Variants in SYT9 observed in about 807,000 individuals in gnomAD.
SYT9 encodes synaptotagmin-9.
In SYT9, 22 loss-of-function variants were observed where a neutral mutation model predicts 48.4. That is an observed-to-expected ratio of 0.45 (90% CI 0.32 to 0.65). The LOEUF (loss-of-function observed/expected upper bound fraction) is 0.65. SYT9 is among the 30% of genes least tolerant of loss of function. The probability of loss-of-function intolerance (pLI) is 0.03; values close to 1 mark genes in which losing one functional copy is unlikely to be tolerated. For synonymous variants in SYT9, 265 were observed against 245.0 expected (o/e 1.08, Z -0.76); for missense variants, 577 against 622.0 (o/e 0.93, Z 0.77).
At chr11:7,255,275 A>C (rs140236473) in intron 1 of SYT9, among the ~76,000 whole-genome samples, 2 of 152,328 alleles carry the variant, frequency 1.3e-5, no homozygotes, top group African/African-American at 4.8e-5. Context: ...TGATTCTAGA[A>C]ATGGTGACTT....
At chr11:7,354,847 T>C (rs1014235635) in intron 3 of SYT9, among the ~76,000 whole-genome samples, 1 of 152,124 alleles carries the variant, frequency 6.6e-6, no homozygotes, top group African/African-American at 2.4e-5. Context: ...ACAGTGATAT[T>C]GCCTTTCACA....
Position 7,251,972 on chromosome 11 carries a change from G to A in SYT9, c.-215G>A. On this transcript the variant is annotated 5_prime_UTR_variant, in exon 1 of 7. Coordinates refer to ENST00000318881, the MANE Select transcript of SYT9 (RefSeq NM_175733.4). ...GGACGGAGGGACCGGGCGGGAGAGAGAGAAAGCCTGACCGACCGGCTGGCG... is the reference window on the plus strand; with the variant it reads ...GGACGGAGGGACCGGGCGGGAGAGAAAGAAAGCCTGACCGACCGGCTGGCG... 4.3e-6 allele frequency: 2 copies of A among 459,870 alleles called. No homozygotes were observed. Among genetic ancestry groups the A allele is most frequent in the Non-Finnish European group, 3.7e-6 (1 of 267,814 alleles). The allele number at this position is 459,870 out of a possible 1,614,324, so 28.5% of individuals were successfully genotyped here.
intron 1 of SYT9, among the ~76,000 whole-genome samples, chr11:7,273,329 TC>T (rs5789508): frequency 0.67 from 99,990 of 150,314 alleles, 33,160 homozygotes; most frequent in East Asian, 0.73. Context: ...GAGGTTTTTT[TC>T]TTTTGTTAGT....
upstream of SYT9, among the ~76,000 whole-genome samples, chr11:7,251,733 G>T (rs1847870409): frequency 1.3e-5 from 2 of 152,248 alleles, no homozygotes; most frequent in Admixed American, 1.3e-4. Flanking sequence ...GCCAGGGCGC[G>T]GCCGCTCTGG....
At position 7,369,387 on chromosome 11, in the gene SYT9, C is replaced by T. The variant is rs887788605; in HGVS notation, c.1045-46655C>T. Reference sequence around the variant, plus strand: ...TAGATTCTAGATATTAGACCTTTGTCAGATAGGTAGATTGCAAAAAATTTC... The same window carrying T: ...TAGATTCTAGATATTAGACCTTTGTTAGATAGGTAGATTGCAAAAAATTTC... On this transcript the variant is annotated intron_variant, in intron 3 of 6. Coordinates refer to ENST00000318881, the MANE Select transcript of SYT9 (RefSeq NM_175733.4). Among the ~76,000 whole-genome samples the T allele has an allele frequency of 2.0e-5, 3 of 151,650 alleles. No homozygotes were observed. In the South Asian group the frequency reaches 6.2e-4, roughly 32 times the overall value.
At chr11:7,387,828 T>G (rs538252705) in intron 3 of SYT9, among the ~76,000 whole-genome samples, 1 of 152,296 alleles carries the variant, frequency 6.6e-6, no homozygotes, top group East Asian at 1.9e-4. Context: ...TTGTTTAAAT[T>G]TCATATGTTT....
intron 3 of SYT9, among the ~76,000 whole-genome samples, chr11:7,398,453 A>G (rs534512228): frequency 4.7e-5 from 7 of 147,718 alleles, no homozygotes; most frequent in African/African-American, 1.8e-4. Context: ...CCTGTCGCCC[A>G]GGCTGGAGTG....
intron 1 of SYT9, among the ~76,000 whole-genome samples, chr11:7,285,970 C>G (rs1468017475): frequency 6.6e-6 from 1 of 152,158 alleles, no homozygotes. Flanking sequence ...CAGCCCCCTT[C>G]CTAGCTGCTT....
At chr11:7,311,537 G>A (rs1459401525) in intron 2 of SYT9, among the ~76,000 whole-genome samples, 2 of 152,208 alleles carry the variant, frequency 1.3e-5, no homozygotes, top group African/African-American at 2.4e-5. Context: ...ACACAGAATT[G>A]TTGGTCCACC....
intron 3 of SYT9, among the ~76,000 whole-genome samples, chr11:7,363,117 T>C (rs1850177148): frequency 1.3e-5 from 2 of 152,016 alleles, no homozygotes; most frequent in African/African-American, 4.8e-5. Context: ...GAATCTCCAC[T>C]AGTACTATCT....
chr11:7,324,318 T>C (rs940279990), intron 3 of SYT9, among the ~76,000 whole-genome samples: 5 of 151,934 alleles, frequency 3.3e-5, no homozygotes, highest in African/African-American at 1.2e-4. Flanking sequence ...CATTGATCAG[T>C]GTCACTGGAG....
chr11:7,414,342 C>T (rs1847198077), intron 3 of SYT9, among the ~76,000 whole-genome samples: 1 of 152,300 alleles, frequency 6.6e-6, no homozygotes, highest in East Asian at 1.9e-4. Flanking sequence ...AAAGGAAGAA[C>T]AGAAGTTGAA....
intron 1 of SYT9, among the ~76,000 whole-genome samples, chr11:7,287,920 A>G (rs1848626656): frequency 6.6e-6 from 1 of 152,190 alleles, no homozygotes; most frequent in African/African-American, 2.4e-5. Context: ...TCCTTATTAT[A>G]TATTTATAAG....
intron 5 of SYT9, 23 bp from the exon 6 acceptor site, chr11:7,420,483 A>G (rs757615884): frequency 6.2e-7 from 1 of 1,612,120 alleles, no homozygotes; most frequent in African/African-American, 1.3e-5. Flanking sequence ...TTAAGAAAAA[A>G]CTATTGTGGG....
chr11:7,337,344 C>A (rs1168613106), intron 3 of SYT9, among the ~76,000 whole-genome samples: 1 of 151,998 alleles, frequency 6.6e-6, no homozygotes, highest in Non-Finnish European at 1.5e-5. Flanking sequence ...TTATTTCTTT[C>A]TCTGCCTGAT....
rs560872641 is a variant in SYT9 at position 7,422,818 on chromosome 11, C to T, written c.1467+2183C>T. 1.7e-4 allele frequency among the ~76,000 whole-genome samples: 26 copies of T among 152,194 alleles called. No homozygotes were observed. The South Asian group carries it at 5.4e-3, about 32-fold the overall frequency. ...GGGTCCCTGAGTGGCAGTATATGCA[C>T]GTGTTACACAAAGGAGAGTGCAGGG... On this transcript the variant is annotated intron_variant, in intron 6 of 6. Coordinates refer to ENST00000318881, the MANE Select transcript of SYT9 (RefSeq NM_175733.4).
Position 7,467,944 on chromosome 11 carries a change from G to T in SYT9, c.*1144G>T. On this transcript the variant is annotated 3_prime_UTR_variant, in exon 7 of 7. Coordinates refer to ENST00000318881, the MANE Select transcript of SYT9 (RefSeq NM_175733.4). Reference sequence around the variant, plus strand: ...TCATTCATTACTCAGCTTCCTTCCTGACCAAGTCTGCCAACCAATGGCCAG... The same window carrying T: ...TCATTCATTACTCAGCTTCCTTCCTTACCAAGTCTGCCAACCAATGGCCAG... 4.2e-6 allele frequency: 1 copy of T among 240,316 alleles called. No individual in the cohort carries two copies. The highest frequency in any genetic ancestry group is 7.9e-6 in the Non-Finnish European group (1 of 125,864). The allele number at this position is 240,316 out of a possible 1,614,324, so 14.9% of individuals were successfully genotyped here. A position where few individuals can be genotyped will look rare whatever the true frequency, so the allele number is the denominator to read the frequency against.
intron 3 of SYT9, among the ~76,000 whole-genome samples, chr11:7,410,741 G>A (rs1847121761): frequency 6.6e-6 from 1 of 152,126 alleles, no homozygotes; most frequent in Admixed American, 6.5e-5. Context: ...TATGTATCTT[G>A]ACAGGTAAAG....
Position 7,363,669 on chromosome 11 carries a change from G to A in SYT9, c.1044+49728G>A, listed in dbSNP as rs535067869. 3.9e-5 allele frequency among the ~76,000 whole-genome samples: 6 copies of A among 152,170 alleles called. No individual in the cohort carries two copies. The South Asian group carries it at 6.2e-4, about 16-fold the overall frequency. ...AAGGTCCAATGAAGTAGAAGCTTCC[G>A]CAAAGGAAATTGAAAAGATAAAGTC... On this transcript the variant is annotated intron_variant, in intron 3 of 6. Transcript: ENST00000318881.
Sources: gnomAD v4.1 joint callset for allele counts (sites outside exome capture counted in the v4.1 genomes callset) on GRCh38, gnomAD v4.1.1 for gene constraint, MANE v1.5 for transcripts, NCBI Gene and HGNC (gene_info 2026-07-23, HGNC 2026-07-21) for gene names.